Variants in GIPC3 observed in about 807,000 individuals in gnomAD.
GIPC3 encodes GIPC PDZ domain containing family member 3.
A neutral mutation model predicts 27.3 loss-of-function variants in GIPC3; 16 were observed. The observed-to-expected ratio is 0.59, with a 90% CI of 0.40 to 0.89. The LOEUF is 0.89. Ranked by LOEUF, GIPC3 falls within the 40% of genes least tolerant of loss-of-function variation. The probability of loss-of-function intolerance (pLI) is 0.00; values close to 1 mark genes in which losing one functional copy is unlikely to be tolerated. For missense variants in GIPC3, 440 were observed against 442.1 expected (o/e 1.00, Z 0.04); for synonymous variants, 194 against 184.6 (o/e 1.05, Z -0.41).
intron 4 of GIPC3, 134 bp from the exon 5 acceptor site, chr19:3,589,697 T>C (rs2032443886): frequency 3.6e-6 from 4 of 1,111,846 alleles, no homozygotes; most frequent in Non-Finnish European, 4.1e-6. Context: ...AGTGGGGCAA[T>C]GATGTTGGTA....
chr19:3,592,137 T>C lies in GIPC3; in HGVS notation c.*1947T>C. 1.6e-6 allele frequency: 2 copies of C among 1,231,918 alleles called. No homozygotes were observed. Among genetic ancestry groups the C allele is most frequent in the Admixed American group, 8.4e-5 (2 of 23,684 alleles). The allele number at this position is 1,231,918 out of a possible 1,614,324, so 76.3% of individuals were successfully genotyped here. A position where few individuals can be genotyped will look rare whatever the true frequency, so the allele number is the denominator to read the frequency against. On this transcript the variant is annotated 3_prime_UTR_variant, in exon 6 of 6. Transcript: ENST00000644452. ...GACCCAGGCCATCGCAGCAATAGAA[T>C]TAAGCTCCACAGCCCTGTCTAGTTC...
In GIPC3 at chr19:3,591,102, A is replaced by G. The variant is rs2032482077; in HGVS notation, c.*912A>G. Reference sequence around the variant, plus strand: ...CACATCTGAAGCCAAGCCCAGCTCTAGAACTCAGGTCAGCCCTGAGACCAA... The same window carrying G: ...CACATCTGAAGCCAAGCCCAGCTCTGGAACTCAGGTCAGCCCTGAGACCAA... On this transcript the variant is annotated 3_prime_UTR_variant, in exon 6 of 6. Coordinates refer to ENST00000644452, the MANE Select transcript of GIPC3 (RefSeq NM_133261.3). The G allele has an allele frequency of 1.6e-6, 2 of 1,233,414 alleles. No homozygotes were observed. Among genetic ancestry groups the G allele is most frequent in the Non-Finnish European group, 2.0e-6 (2 of 988,990 alleles). 76.4% of individuals were successfully genotyped at this position (1,233,414 alleles called of 1,614,324 possible).
rs1023117595 is a variant in GIPC3 at position 3,592,676 on chromosome 19, A to C, written c.*2486A>C. ...GAATTCAGCCCGACTCTGGAGCCCA[A>C]CTTAGTTCCAGAACCCAGTCCAGCT... On this transcript the variant is annotated 3_prime_UTR_variant, in exon 6 of 6. Transcript: ENST00000644452. The C allele has an allele frequency of 8.1e-7, 1 of 1,231,430 alleles. No individual in the cohort carries two copies. Among genetic ancestry groups the C allele is most frequent in the Non-Finnish European group, 1.0e-6 (1 of 987,856 alleles). 76.3% of individuals were successfully genotyped at this position (1,231,430 alleles called of 1,614,324 possible). A position where few individuals can be genotyped will look rare whatever the true frequency, so the allele number is the denominator to read the frequency against.
chr19:3,586,384 T>C (rs1444444472), intron 1 of GIPC3, 111 bp from the exon 2 acceptor site: 1 of 985,290 alleles, frequency 1.0e-6, no homozygotes, highest in Non-Finnish European at 1.6e-6. Context: ...GCCCTGCCCT[T>C]TCCCATGGGC....
chr19:3,586,534 C>A lies in GIPC3; in HGVS notation c.265C>A (p.Gln89Lys), dbSNP rs765792990. The A allele has an allele frequency of 6.2e-7, 1 of 1,613,890 alleles. No homozygotes were observed. The highest frequency in any genetic ancestry group is 1.3e-5 in the African/African-American group (1 of 75,014). ...CCTCAACAGCCACAAAGTGGACATG[C>A]AGAAGCTCCTGGGGGGTCAGATAGG... ...CTLNSHKVDMQKLLGGQIGLE... is the reference protein window; with the variant it reads ...CTLNSHKVDMKKLLGGQIGLE... Residue 89 changes from glutamine (Q) to lysine (K), a missense_variant, in exon 2 of 6, where the codon CAG becomes AAG. Transcript: ENST00000644452.
At chr19:3,588,821 G>T (rs561295404) in intron 3 of GIPC3, among the ~76,000 whole-genome samples, 5 of 151,900 alleles carry the variant, frequency 3.3e-5, no homozygotes, top group Non-Finnish European at 7.4e-5. Flanking sequence ...GCAGGTGCCT[G>T]TAATCCCAGC....
intron 3 of GIPC3, among the ~76,000 whole-genome samples, chr19:3,589,126 G>A (rs762807500): frequency 9.9e-5 from 15 of 152,054 alleles, no homozygotes; most frequent in Admixed American, 2.0e-4. Context: ...TCTAGATTGA[G>A]GATCCTACCA....
Position 3,590,044 on chromosome 19 carries a change from A to G in GIPC3, c.793A>G (p.Thr265Ala), listed in dbSNP as rs1166696562. The change falls in exon 6 of 6, where the codon ACC becomes GCC. Residue 265 changes from threonine to alanine, a missense_variant. Coordinates refer to ENST00000644452, the MANE Select transcript of GIPC3 (RefSeq NM_133261.3). ...MGIRDPELAS[T>A]MVETSKKTAS... ...CCCTCTGGCACGGCCCGCAGCGTCC[A>G]CCATGGTGGAGACGTCCAAGAAGAC... 1.9e-6 allele frequency: 3 copies of G among 1,612,362 alleles called. No individual in the cohort carries two copies. The highest frequency in any genetic ancestry group is 3.4e-5 in the Admixed American group (2 of 59,664).
chr19:3,587,747 G>A (rs1200231704), intron 3 of GIPC3, among the ~76,000 whole-genome samples: 3 of 133,076 alleles, frequency 2.3e-5, no homozygotes, highest in African/African-American at 8.8e-5. Flanking sequence ...CTGCAGTGCA[G>A]TGGCTAGATT....
chr19:3,589,076 C>G (rs10518241), intron 3 of GIPC3, among the ~76,000 whole-genome samples: 14,779 of 152,156 alleles, frequency 0.097, 836 homozygotes, highest in South Asian at 0.2. Flanking sequence ...CACCTCAGTC[C>G]TGACACTAAG....
intron 1 of GIPC3, 49 bp from the exon 2 acceptor site, chr19:3,586,446 G>T (rs772231927): frequency 1.3e-6 from 2 of 1,552,820 alleles, no homozygotes; most frequent in Non-Finnish European, 1.8e-6. Context: ...GTGGCTGCGT[G>T]GGGGGATGCA....
At position 3,586,668 on chromosome 19, in the gene GIPC3, C is replaced by T. The variant is rs1010472144; in HGVS notation, c.399C>T (p.Tyr133=). Residue 133 remains tyrosine, a synonymous_variant, in exon 2 of 6, where the codon TAC becomes TAT. Transcript: ENST00000644452. The part of the protein sequence containing the change: ...GLTITDNGAG[Y]AFIKRIKEGS... ...CCATCACGGACAACGGGGCTGGCTACGCCTTCATCAAGGTGCCCGGGAGGG... is the reference window on the plus strand; with the variant it reads ...CCATCACGGACAACGGGGCTGGCTATGCCTTCATCAAGGTGCCCGGGAGGG... 2 of 1,606,786 alleles carry T rather than the reference C, an allele frequency of 1.2e-6. No homozygotes were observed. Among genetic ancestry groups the T allele is most frequent in the Non-Finnish European group, 8.5e-7 (1 of 1,175,226 alleles).
chr19:3,587,344 C>T (rs1215934861), intron 3 of GIPC3, among the ~76,000 whole-genome samples: 3 of 152,030 alleles, frequency 2.0e-5, no homozygotes, highest in Admixed American at 2.0e-4. Flanking sequence ...TGCAATGGCG[C>T]GATCTCAGCT....
chr19:3,593,353 C>T lies in GIPC3; in HGVS notation c.*3163C>T, dbSNP rs903245076. 8.2e-7 allele frequency: 1 copy of T among 1,216,160 alleles called. No individual in the cohort carries two copies. Among genetic ancestry groups the T allele is most frequent in the South Asian group, 4.2e-5 (1 of 23,932 alleles). The allele number at this position is 1,216,160 out of a possible 1,614,324, so 75.3% of individuals were successfully genotyped here. On this transcript the variant is annotated 3_prime_UTR_variant, in exon 6 of 6. Coordinates refer to ENST00000644452, the MANE Select transcript of GIPC3 (RefSeq NM_133261.3). ...CTCTCCTGTCCCTTCCAGCCTGGGG[C>T]CCCCAGAAGCAGCAAGTGACCTTAT...
At chr19:3,586,393 G>T (rs565379276) in intron 1 of GIPC3, 102 bp from the exon 2 acceptor site, 7 of 1,058,944 alleles carry the variant, frequency 6.6e-6, no homozygotes, top group African/African-American at 1.6e-5. Flanking sequence ...TTTCCCATGG[G>T]CTGGGATCCT....
rs958859803 is a variant in GIPC3 at position 3,591,824 on chromosome 19, A to G, written c.*1634A>G. 1 of 1,233,814 alleles carries G rather than the reference A, an allele frequency of 8.1e-7. No individual in the cohort carries two copies. The highest frequency in any genetic ancestry group is 1.0e-6 in the Non-Finnish European group (1 of 989,406). 76.4% of individuals were successfully genotyped at this position (1,233,814 alleles called of 1,614,324 possible). ...GCTCTGGAACCCCATCCATCTTGGA[A>G]GCAAGACCCAGCTCCAGCACACAGC... On this transcript the variant is annotated 3_prime_UTR_variant, in exon 6 of 6. Transcript: ENST00000644452.
Position 3,592,573 on chromosome 19 carries a change from G to A in GIPC3, c.*2383G>A. 8.1e-7 allele frequency: 1 copy of A among 1,231,962 alleles called. No homozygotes were observed. The highest frequency in any genetic ancestry group is 1.0e-6 in the Non-Finnish European group (1 of 987,960). 76.3% of individuals were successfully genotyped at this position (1,231,962 alleles called of 1,614,324 possible). On this transcript the variant is annotated 3_prime_UTR_variant, in exon 6 of 6. Coordinates refer to ENST00000644452, the MANE Select transcript of GIPC3 (RefSeq NM_133261.3). The stretch of plus-strand genomic sequence containing the variant: ...CAGTCCAGTCCTGAGACCAGGCTCA[G>A]CTCTGAGGCTCAGTCCAGCTCTGGA...
At chr19:3,589,417 G>A (rs927836120) in intron 3 of GIPC3, 26 bp from the exon 4 acceptor site, 2 of 1,552,922 alleles carry the variant, frequency 1.3e-6, no homozygotes, top group Non-Finnish European at 1.8e-6. Context: ...AGAACCCATG[G>A]CCATCCCTCA....
rs1207082039 is a variant in GIPC3, at chr19:3,586,858, C to T, written c.456C>T (p.Cys152=). 4 of 1,613,452 alleles carry T rather than the reference C, an allele frequency of 2.5e-6. No homozygotes were observed. The African/African-American group carries it at 4.0e-5, about 16-fold the overall frequency. ...GSIINRIEAV[C]VGDSIEAIND... is the part of the protein sequence containing the mutation. ...TCATCAACCGGATCGAGGCAGTGTG[C>T]GTGGGTGACAGCATCGAAGCCATCA... Residue 152 remains cysteine, a synonymous_variant, in exon 3 of 6, where the codon TGC becomes TGT. Transcript: ENST00000644452.
Sources: gnomAD v4.1 joint callset for allele counts (sites outside exome capture counted in the v4.1 genomes callset) on GRCh38, gnomAD v4.1.1 for gene constraint, MANE v1.5 for transcripts, NCBI Gene and HGNC (gene_info 2026-07-23, HGNC 2026-07-21) for gene names.